The following NCAM2 variants were observed in gnomAD, a reference collection of about 807,000 sequenced individuals.
NCAM2 encodes the protein neural cell adhesion molecule 2.
In NCAM2, 30 loss-of-function variants were observed where a neutral mutation model predicts 98.1. That is an observed-to-expected ratio of 0.31 (90% CI 0.23 to 0.41). The LOEUF (loss-of-function observed/expected upper bound fraction) is 0.41, where lower values mean the gene tolerates loss of function less well. Among genes scored for constraint, NCAM2 ranks in the 10% least tolerant of loss-of-function variants. The pLI, the probability that NCAM2 is intolerant of heterozygous loss-of-function variation, is 1.00. For missense variants in NCAM2, 867 were observed against 1,005.8 expected, an observed-to-expected ratio of 0.86 and a Z score of 1.87; for synonymous variants, 368 against 342.4, an observed-to-expected ratio of 1.07 and a Z score of -0.83.
intron 1 of NCAM2, among the ~76,000 whole-genome samples, chr21:21,053,579 ATATAT>A (rs1320752298): frequency 4.6e-5 from 7 of 151,154 alleles, no homozygotes; most frequent in Non-Finnish European, 8.9e-5. Context: ...TTATTTACAT[ATATAT>A]TATAATATTA....
Position 21,402,364 on chromosome 21 carries a change from G to A in NCAM2, c.1196-7910G>A, listed in dbSNP as rs542417029. ...TGTCTATCCTATGTGGTTGAGATAA[G>A]GACTGAGATAGGCCCTGGAGTCCTG... On this transcript the variant is annotated intron_variant, in intron 9 of 17. Coordinates refer to ENST00000400546, the MANE Select transcript of NCAM2 (RefSeq NM_004540.5). 3.6e-3 allele frequency among the ~76,000 whole-genome samples: 551 copies of A among 152,196 alleles called. 8 individuals carry two copies. The highest frequency in any genetic ancestry group is 6.5e-3 in the Non-Finnish European group (442 of 67,994).
At chr21:21,525,888 TAAAG>T (rs552924653) in intron 16 of NCAM2, among the ~76,000 whole-genome samples, 286 of 152,080 alleles carry the variant, frequency 1.9e-3, no homozygotes, top group African/African-American at 6.6e-3. Flanking sequence ...TTCAAGATAA[TAAAG>T]AAAAATAATC....
Position 21,214,746 on chromosome 21 carries a change from T to TATATATATATATATATATATACAC in NCAM2, c.56-65831_56-65830insTATATATATATATATATATACACA, listed in dbSNP as rs11268201. On this transcript the variant is annotated intron_variant, in intron 1 of 17. Transcript: ENST00000400546. ...CCATATATATATATATATATATATA[T>TATATATATATATATATATATACAC]ACACTATATATACACATATATGTAA... Among the ~76,000 whole-genome samples, 125 of 100,530 alleles carry TATATATATATATATATATATACAC rather than the reference T, an allele frequency of 1.2e-3. 1 individual carries two copies. Among genetic ancestry groups the TATATATATATATATATATATACAC allele is most frequent in the Middle Eastern group, 7.4e-3 (1 of 136 alleles). 66.0% of individuals were successfully genotyped at this position (100,530 alleles called of 152,430 possible).
intron 9 of NCAM2, among the ~76,000 whole-genome samples, chr21:21,376,545 T>C (rs947718112): frequency 2.6e-5 from 4 of 151,858 alleles, no homozygotes; most frequent in Admixed American, 6.6e-5. Flanking sequence ...ATGAGATTTT[T>C]AGTTATTGGT....
chr21:21,324,404 C>T lies in NCAM2; in HGVS notation c.641C>T (p.Pro214Leu), dbSNP rs1381026565. 6.2e-7 allele frequency: 1 copy of T among 1,613,230 alleles called. No homozygotes were observed. The highest frequency in any genetic ancestry group is 1.3e-5 in the African/African-American group (1 of 74,970). ...TCAGTGCCGCCAGCAATCTCAATGC[C>T]TCAGAAATCTTTTAATGCCACAGCA... ...IVNVPPAISM[P>L]QKSFNATAER... Residue 214 changes from proline (P) to leucine (L), a missense_variant, in exon 6 of 18, where the codon CCT (proline) becomes CTT (leucine). Transcript: ENST00000400546.
At chr21:21,179,556 G>A (rs1243855867) in intron 1 of NCAM2, among the ~76,000 whole-genome samples, 1 of 152,170 alleles carries the variant, frequency 6.6e-6, no homozygotes, top group Non-Finnish European at 1.5e-5. Context: ...CCCAACAGCT[G>A]TTGTCTTCTT....
chr21:21,432,288 C>A lies in NCAM2; in HGVS notation c.1654+7C>A. 6.2e-7 allele frequency: 1 copy of A among 1,610,232 alleles called. No individual in the cohort carries two copies. The highest frequency in any genetic ancestry group is 1.1e-5 in the South Asian group (1 of 90,800). ...CGCTCCCATGGAGTTCAAAGTGAGT[C>A]AACAATTTCAAAATGTGTTGGTTAA... On this transcript the variant is annotated splice_region_variant and intron_variant, in intron 12 of 17. Transcript: ENST00000400546.
intron 1 of NCAM2, among the ~76,000 whole-genome samples, chr21:21,204,295 ATAT>A (rs2069351419): frequency 6.6e-6 from 1 of 152,076 alleles, no homozygotes; most frequent in South Asian, 2.1e-4. Context: ...AAAAATATAA[ATAT>A]TATTATTTAT....
chr21:21,144,968 A>G (rs2067242420), intron 1 of NCAM2, among the ~76,000 whole-genome samples: 1 of 152,184 alleles, frequency 6.6e-6, no homozygotes, highest in African/African-American at 2.4e-5. Context: ...GCTGAAAGAA[A>G]TAATGATCAT....
chr21:21,449,119 C>G (rs1388626755), intron 12 of NCAM2, among the ~76,000 whole-genome samples: 7 of 152,032 alleles, frequency 4.6e-5, no homozygotes, highest in Non-Finnish European at 2.9e-5. Flanking sequence ...ATTCTATACT[C>G]AGCCTGGTCT....
chr21:21,202,442 G>GTTTTTTT (rs2069269060), intron 1 of NCAM2, among the ~76,000 whole-genome samples: 2 of 113,564 alleles, frequency 1.8e-5, no homozygotes, highest in African/African-American at 6.9e-5. Context: ...CTGAGGCGGA[G>GTTTTTTT]TTTTGCTTTT....
At chr21:21,325,197 A>G (rs900309139) in intron 6 of NCAM2, among the ~76,000 whole-genome samples, 1 of 152,192 alleles carries the variant, frequency 6.6e-6, no homozygotes, top group Non-Finnish European at 1.5e-5. Flanking sequence ...GCAGGTTGCT[A>G]CAGAAGCATT....
rs773619871 is a variant in NCAM2 at position 21,508,840 on chromosome 21, T to TA, written c.2078-10dup. The TA allele has an allele frequency of 2.2e-6, 2 of 913,582 alleles. No homozygotes were observed. The highest frequency in any genetic ancestry group is 2.9e-6 in the Non-Finnish European group (2 of 679,106). 56.6% of individuals were successfully genotyped at this position (913,582 alleles called of 1,614,324 possible). ...TTTTTTTTTTTTTTTTTTTTTTTTT[T>TA]ACTTTTTAAGACACGCTGTTTAATG... On this transcript the variant is annotated splice_polypyrimidine_tract_variant and intron_variant, in intron 15 of 17. Coordinates refer to ENST00000400546, the MANE Select transcript of NCAM2 (RefSeq NM_004540.5).
At chr21:21,120,027 GT>G (rs1569043249) in intron 1 of NCAM2, among the ~76,000 whole-genome samples, 2 of 152,180 alleles carry the variant, frequency 1.3e-5, no homozygotes, top group African/African-American at 4.8e-5. Context: ...TTCTTGTGCA[GT>G]TAGTCATGTT....
At chr21:21,417,618 T>C (rs1211186489) in intron 10 of NCAM2, among the ~76,000 whole-genome samples, 1 of 152,102 alleles carries the variant, frequency 6.6e-6, no homozygotes, top group Non-Finnish European at 1.5e-5. Flanking sequence ...AAATCTCTTA[T>C]CTAAATTGAT....
chr21:21,416,594 A>C (rs1010019606), intron 10 of NCAM2, among the ~76,000 whole-genome samples: 2 of 152,152 alleles, frequency 1.3e-5, no homozygotes, highest in Non-Finnish European at 2.9e-5. Flanking sequence ...ATGAAGAAAT[A>C]GTTTTATCAG....
At chr21:21,113,450 C>T (rs2146535157) in intron 1 of NCAM2, among the ~76,000 whole-genome samples, 1 of 152,130 alleles carries the variant, frequency 6.6e-6, no homozygotes, top group Non-Finnish European at 1.5e-5. Context: ...GCATATTAGC[C>T]ATTTTCTGTG....
intron 1 of NCAM2, among the ~76,000 whole-genome samples, chr21:21,015,315 G>T (rs868103740): frequency 3.1e-4 from 47 of 152,206 alleles, no homozygotes; most frequent in African/African-American, 1.1e-3. Flanking sequence ...AGGAAGAGCC[G>T]ATTGAAAACA....
At chr21:21,196,798 T>C (rs1366075118) in intron 1 of NCAM2, among the ~76,000 whole-genome samples, 1 of 152,242 alleles carries the variant, frequency 6.6e-6, no homozygotes, top group Non-Finnish European at 1.5e-5. Context: ...GCCCGCTTGT[T>C]ATCCCCAGTG....
Sources: gnomAD v4.1 joint callset for allele counts (sites outside exome capture counted in the v4.1 genomes callset) on GRCh38, gnomAD v4.1.1 for gene constraint, MANE v1.5 for transcripts, NCBI Gene and HGNC (gene_info 2026-07-23, HGNC 2026-07-21) for gene names.